Variants in LEPROTL1 observed in about 807,000 individuals in gnomAD.
LEPROTL1 encodes leptin receptor overlapping transcript-like 1.
Under a neutral mutation model 15.4 loss-of-function variants are expected in LEPROTL1, and 6 were observed. That is an observed-to-expected ratio of 0.39 (90% CI 0.21 to 0.77). The LOEUF is 0.77. LEPROTL1 is among the 30% of genes least tolerant of loss of function. The probability of loss-of-function intolerance (pLI) is 0.41; values close to 1 mark genes in which losing one functional copy is unlikely to be tolerated. For synonymous variants in LEPROTL1, 56 were observed against 52.6 expected (o/e 1.06, Z -0.28); for missense variants, 128 against 158.1 (o/e 0.81, Z 1.02).
At chr8:30,136,177 A>G (rs1407228944) in intron 4 of LEPROTL1, among the ~76,000 whole-genome samples, 1 of 152,196 alleles carries the variant, frequency 6.6e-6, no homozygotes, top group East Asian at 1.9e-4. Context: ...TAACCCCAGT[A>G]CCTCAGAATG....
intron 3 of LEPROTL1, among the ~76,000 whole-genome samples, chr8:30,124,462 G>A (rs1398588057): frequency 6.6e-6 from 1 of 152,060 alleles, no homozygotes; most frequent in East Asian, 1.9e-4. Flanking sequence ...TTATTTTAAA[G>A]CAATCCAAGA....
chr8:30,099,645 C>CTGG (rs920890361), intron 1 of LEPROTL1, among the ~76,000 whole-genome samples: 19 of 147,502 alleles, frequency 1.3e-4, no homozygotes, highest in Non-Finnish European at 2.4e-4. Flanking sequence ...AAACACTTCA[C>CTGG]TGGTTGAGCT....
chr8:30,118,159 G>A (rs1802773627), intron 3 of LEPROTL1, among the ~76,000 whole-genome samples: 1 of 151,542 alleles, frequency 6.6e-6, no homozygotes, highest in East Asian at 1.9e-4. Context: ...TAAGTAGCTG[G>A]GATTACAGGC....
At chr8:30,119,546 T>C (rs572245081) in intron 3 of LEPROTL1, among the ~76,000 whole-genome samples, 33 of 152,282 alleles carry the variant, frequency 2.2e-4, no homozygotes, top group African/African-American at 7.7e-4. Flanking sequence ...GTCCTAATTG[T>C]CTGATTTTAG....
chr8:30,129,599 G>C (rs1334067999), intron 3 of LEPROTL1, among the ~76,000 whole-genome samples: 2 of 151,998 alleles, frequency 1.3e-5, no homozygotes, highest in East Asian at 3.9e-4. Context: ...CAGCTACTTG[G>C]AAGGGTGAGG....
chr8:30,127,232 T>C (rs180943561), intron 3 of LEPROTL1, among the ~76,000 whole-genome samples: 1 of 152,316 alleles, frequency 6.6e-6, no homozygotes, highest in East Asian at 1.9e-4. Flanking sequence ...CTGAGCTTGA[T>C]GGTTTTCATG....
downstream of LEPROTL1, among the ~76,000 whole-genome samples, chr8:30,111,782 G>A (rs1802655673): frequency 1.3e-5 from 2 of 152,178 alleles, no homozygotes; most frequent in South Asian, 2.1e-4. Context: ...CTGTTGCTCT[G>A]GTGGGTCTTG....
At chr8:30,125,683 T>C (rs940503675) in intron 3 of LEPROTL1, among the ~76,000 whole-genome samples, 1 of 152,214 alleles carries the variant, frequency 6.6e-6, no homozygotes, top group Non-Finnish European at 1.5e-5. Flanking sequence ...TATGGCGTAC[T>C]AGGAAACTTG....
At chr8:30,129,837 T>C (rs937243138) in intron 3 of LEPROTL1, among the ~76,000 whole-genome samples, 1 of 151,680 alleles carries the variant, frequency 6.6e-6, no homozygotes, top group Non-Finnish European at 1.5e-5. Flanking sequence ...ACAGGAAGCA[T>C]GGCTGGGGAG....
At chr8:30,126,282 A>G (rs1053746975) in intron 3 of LEPROTL1, among the ~76,000 whole-genome samples, 2 of 152,170 alleles carry the variant, frequency 1.3e-5, no homozygotes, top group African/African-American at 2.4e-5. Flanking sequence ...AGGCCACTCT[A>G]TGATGTTCAT....
At chr8:30,118,854 C>T (rs1193705979) in intron 3 of LEPROTL1, among the ~76,000 whole-genome samples, 2 of 152,136 alleles carry the variant, frequency 1.3e-5, no homozygotes, top group Non-Finnish European at 2.9e-5. Context: ...GCACGTAGGC[C>T]GGATTTATGC....
chr8:30,095,618 G>A, intron 1 of LEPROTL1, 90 bp downstream of exon 1: 1 of 1,122,180 alleles, frequency 8.9e-7, no homozygotes. Context: ...TTCCCCTCCG[G>A]GCTCGCGCGC....
chr8:30,116,748 T>C (rs1247586340), intron 3 of LEPROTL1, among the ~76,000 whole-genome samples: 1 of 152,214 alleles, frequency 6.6e-6, no homozygotes, highest in Non-Finnish European at 1.5e-5. Flanking sequence ...TCCTGTGTTC[T>C]ATAAGCTACT....
intron 1 of LEPROTL1, among the ~76,000 whole-genome samples, chr8:30,099,828 C>T (rs138396582): frequency 1.1e-3 from 160 of 152,000 alleles, no homozygotes; most frequent in Non-Finnish European, 1.9e-3. Context: ...GCACAGGCCA[C>T]GTGAGTGAGC....
At chr8:30,124,835 A>T (rs1169165906) in intron 3 of LEPROTL1, among the ~76,000 whole-genome samples, 1 of 152,206 alleles carries the variant, frequency 6.6e-6, no homozygotes, top group Admixed American at 6.6e-5. Flanking sequence ...TCAGGTCATT[A>T]CCATGAGTGT....
rs1329901514 is a variant in LEPROTL1 at position 30,107,140 on chromosome 8, T to C, written c.*1278T>C. 2 of 984,978 alleles carry C rather than the reference T, an allele frequency of 2.0e-6. No individual in the cohort carries two copies. The highest frequency in any genetic ancestry group is 2.3e-4 in the East Asian group (2 of 8,812). 61.0% of individuals were successfully genotyped at this position (984,978 alleles called of 1,614,324 possible). ...ACCTCTGAACTGTTTTGATTTTGAG[T>C]TCATCATGATAGATCTGCTGTTTCC... On this transcript the variant is annotated 3_prime_UTR_variant, in exon 4 of 4. Transcript: ENST00000321250.
downstream of LEPROTL1, chr8:30,137,901 A>G (rs1044071294): frequency 5.2e-5 from 13 of 248,724 alleles, no homozygotes; most frequent in African/African-American, 2.5e-4. Context: ...GCTCCTGGGG[A>G]TAACATTACT....
intron 1 of LEPROTL1, among the ~76,000 whole-genome samples, chr8:30,096,616 C>T (rs1802371713): frequency 6.6e-6 from 1 of 152,168 alleles, no homozygotes; most frequent in South Asian, 2.1e-4. Context: ...ATGATAGACT[C>T]TAAACCCTTA....
intron 3 of LEPROTL1, among the ~76,000 whole-genome samples, chr8:30,125,738 G>C (rs1409338227): frequency 1.3e-5 from 2 of 152,222 alleles, no homozygotes; most frequent in Admixed American, 1.3e-4. Flanking sequence ...GCCTGTGCTA[G>C]AACTGGGACA....
Sources: allele counts gnomAD v4.1 joint callset (sites outside exome capture counted in the v4.1 genomes callset), GRCh38; gene constraint gnomAD v4.1.1; transcripts MANE v1.5; gene names NCBI Gene and HGNC (gene_info 2026-07-23, HGNC 2026-07-21).